The following DLG2 variants were observed in gnomAD, a reference collection of about 807,000 sequenced individuals.
DLG2 encodes the protein discs large MAGUK scaffold protein 2.
DLG2 carries 45 observed loss-of-function variants against 132.5 expected under a neutral mutation model. The observed-to-expected ratio is 0.34, with a 90% CI of 0.27 to 0.44. DLG2 has a LOEUF of 0.44. Ranked by LOEUF, DLG2 falls within the 20% of genes least tolerant of loss-of-function variation. DLG2 has a pLI of 1.00. For synonymous variants in DLG2, 424 were observed against 419.6 expected (o/e 1.01, Z -0.13); for missense variants, 1,045 against 1,196.9 (o/e 0.87, Z 1.87).
intron 19 of DLG2, among the ~76,000 whole-genome samples, chr11:83,571,414 C>T (rs928667585): frequency 4.6e-5 from 7 of 151,554 alleles, no homozygotes; most frequent in South Asian, 2.1e-4. Context: ...TTCTAGCAAA[C>T]GTTGTCCATC....
At chr11:83,766,382 C>G (rs949645241) in intron 18 of DLG2, among the ~76,000 whole-genome samples, 2 of 149,900 alleles carry the variant, frequency 1.3e-5, no homozygotes, top group Non-Finnish European at 3.0e-5. Context: ...TGTGAGCCAC[C>G]ATGCCTGGCC....
intron 3 of DLG2, among the ~76,000 whole-genome samples, chr11:85,315,011 G>T (rs182673707): frequency 6.6e-6 from 1 of 152,130 alleles, no homozygotes; most frequent in Admixed American, 6.6e-5. Flanking sequence ...CAGGGTACAT[G>T]AGGTTGGCAT....
chr11:84,888,256 G>T (rs950709123), intron 6 of DLG2, among the ~76,000 whole-genome samples: 1 of 152,110 alleles, frequency 6.6e-6, no homozygotes, highest in African/African-American at 2.4e-5. Context: ...GAGTGAAAAA[G>T]ATCGACTCTC....
intron 6 of DLG2, among the ~76,000 whole-genome samples, chr11:84,829,871 T>C (rs970522016): frequency 3.3e-5 from 5 of 151,618 alleles, no homozygotes; most frequent in South Asian, 2.1e-4. Flanking sequence ...TAGAATAGAA[T>C]AGAATATCCT....
At chr11:83,837,814 C>G (rs1027950599) in intron 16 of DLG2, among the ~76,000 whole-genome samples, 5 of 151,396 alleles carry the variant, frequency 3.3e-5, no homozygotes, top group African/African-American at 1.2e-4. Flanking sequence ...TTTGTTGCCT[C>G]CTTTCCAACT....
At chr11:84,854,030 T>C (rs771768996) in intron 6 of DLG2, among the ~76,000 whole-genome samples, 5 of 152,136 alleles carry the variant, frequency 3.3e-5, no homozygotes, top group African/African-American at 9.6e-5. Flanking sequence ...GGAAATCCCA[T>C]TGACCTAGTT....
chr11:84,224,474 A>T (rs1006540634), intron 8 of DLG2, among the ~76,000 whole-genome samples: 1 of 152,232 alleles, frequency 6.6e-6, no homozygotes, highest in Non-Finnish European at 1.5e-5. Flanking sequence ...AGCTGTGTAC[A>T]TCATTTCCTA....
At chr11:84,101,760 G>C (rs946067291) in intron 9 of DLG2, among the ~76,000 whole-genome samples, 5 of 152,080 alleles carry the variant, frequency 3.3e-5, no homozygotes, top group African/African-American at 1.2e-4. Context: ...TCTCACTGTA[G>C]TTAGCATCTC....
chr11:85,394,123 C>G (rs2087063324), intron 3 of DLG2, among the ~76,000 whole-genome samples: 1 of 152,086 alleles, frequency 6.6e-6, no homozygotes, highest in African/African-American at 2.4e-5. Context: ...GGTTGTCTGC[C>G]CTTAACTTCT....
chr11:85,613,405 C>T (rs999592562), intron 2 of DLG2, among the ~76,000 whole-genome samples: 8 of 152,296 alleles, frequency 5.3e-5, no homozygotes, highest in African/African-American at 1.4e-4. Context: ...CAGAAAGTAG[C>T]TAGAGCAGTC....
At chr11:84,893,646 T>C (rs1448622768) in intron 6 of DLG2, among the ~76,000 whole-genome samples, 1 of 152,186 alleles carries the variant, frequency 6.6e-6, no homozygotes, top group African/African-American at 2.4e-5. Context: ...AGTAGGAGGA[T>C]TAAATATATT....
intron 3 of DLG2, among the ~76,000 whole-genome samples, chr11:85,289,076 C>G (rs1010915799): frequency 2.0e-5 from 3 of 152,066 alleles, no homozygotes. Context: ...TTCTATTTCA[C>G]TCTTTTGTCT....
intron 3 of DLG2, among the ~76,000 whole-genome samples, chr11:85,326,325 T>C (rs2081454186): frequency 7.0e-6 from 1 of 142,872 alleles, no homozygotes; most frequent in Non-Finnish European, 1.5e-5. Flanking sequence ...AATTGTCAGA[T>C]TCACCAAAGT....
chr11:85,269,792 A>G (rs1295219981), intron 4 of DLG2, among the ~76,000 whole-genome samples: 2 of 152,208 alleles, frequency 1.3e-5, no homozygotes, highest in African/African-American at 4.8e-5. Context: ...CCAGGAACAT[A>G]ATCTATCATT....
At chr11:84,726,926 T>C (rs552607273) in intron 6 of DLG2, among the ~76,000 whole-genome samples, 164 of 152,292 alleles carry the variant, frequency 1.1e-3, no homozygotes, top group African/African-American at 3.8e-3. Context: ...TGCTTATATC[T>C]TTTGCCCAGT....
chr11:84,087,962 T>A lies in DLG2; in HGVS notation c.749+10961A>T, dbSNP rs912355503. 2.6e-5 allele frequency among the ~76,000 whole-genome samples: 4 copies of A among 152,240 alleles called. No individual in the cohort carries two copies. In the South Asian group the frequency reaches 8.3e-4, roughly 31 times the overall value. ...ATAGAAAATAATACGAAATGATTGA[T>A]CATTTTTAAATTGGGTTATCTTCTT... On this transcript the variant is annotated intron_variant, in intron 10 of 27. Transcript: ENST00000376104.
chr11:83,954,765 G>A (rs532866294), intron 14 of DLG2, among the ~76,000 whole-genome samples: 2 of 152,270 alleles, frequency 1.3e-5, no homozygotes, highest in South Asian at 4.1e-4. Flanking sequence ...TTTAGCCAGA[G>A]GGAAAACTGA....
chr11:84,133,761 G>A (rs1228732990), intron 9 of DLG2, among the ~76,000 whole-genome samples: 1 of 151,874 alleles, frequency 6.6e-6, no homozygotes, highest in East Asian at 1.9e-4. Flanking sequence ...GACTATAGAT[G>A]TACACCCCTA....
intron 4 of DLG2, among the ~76,000 whole-genome samples, chr11:85,241,338 G>T (rs1288081487): frequency 6.6e-6 from 1 of 151,710 alleles, no homozygotes; most frequent in African/African-American, 2.4e-5. Context: ...TACCAAAAAT[G>T]TTGCTTTTAT....
Sources: gnomAD v4.1 joint callset for allele counts (sites outside exome capture counted in the v4.1 genomes callset) on GRCh38, gnomAD v4.1.1 for gene constraint, MANE v1.5 for transcripts, NCBI Gene and HGNC (gene_info 2026-07-23, HGNC 2026-07-21) for gene names.